The following OSBPL1A variants were observed in gnomAD, a reference collection of about 807,000 sequenced individuals.
The protein encoded by OSBPL1A is oxysterol-binding protein-related protein 1.
Under a neutral mutation model 137.1 loss-of-function variants are expected in OSBPL1A, and 80 were observed. The observed-to-expected ratio is 0.58, with a 90% CI of 0.49 to 0.70. The LOEUF is 0.70. Ranked by LOEUF, OSBPL1A falls within the 30% of genes least tolerant of loss-of-function variation. OSBPL1A has a pLI of 0.00. For synonymous variants in OSBPL1A, 365 were observed against 389.7 expected (o/e 0.94, Z 0.75); for missense variants, 970 against 1,129.4 (o/e 0.86, Z 2.02).
intron 15 of OSBPL1A, among the ~76,000 whole-genome samples, chr18:24,243,597 C>T (rs776574569): frequency 3.3e-5 from 5 of 152,174 alleles, no homozygotes; most frequent in South Asian, 2.1e-4. Context: ...GCAATCTACC[C>T]GTTACCCACC....
chr18:24,186,732 T>C (rs950897403), intron 18 of OSBPL1A, among the ~76,000 whole-genome samples: 6 of 151,780 alleles, frequency 4.0e-5, no homozygotes, highest in Admixed American at 2.0e-4. Context: ...GGTGAAACCC[T>C]GTCTCTACTA....
intron 4 of OSBPL1A, among the ~76,000 whole-genome samples, chr18:24,359,295 C>T (rs2091586742): frequency 1.3e-5 from 2 of 151,908 alleles, no homozygotes; most frequent in African/African-American, 4.8e-5. Context: ...GTTATGTTGC[C>T]CAGGTTGGCC....
chr18:24,371,219 C>T (rs140546377), intron 2 of OSBPL1A, among the ~76,000 whole-genome samples: 60 of 152,288 alleles, frequency 3.9e-4, no homozygotes, highest in African/African-American at 1.3e-3. Context: ...ATTTACACAC[C>T]ATAAACTCAG....
intron 17 of OSBPL1A, among the ~76,000 whole-genome samples, chr18:24,198,986 T>A (rs550871989): frequency 5.9e-5 from 9 of 151,696 alleles, no homozygotes; most frequent in Admixed American, 4.6e-4. Context: ...GCCTCCCGAG[T>A]AGCTGGGACT....
intron 4 of OSBPL1A, among the ~76,000 whole-genome samples, chr18:24,356,206 G>A (rs1010547426): frequency 4.0e-5 from 6 of 151,778 alleles, no homozygotes; most frequent in African/African-American, 1.5e-4. Flanking sequence ...ATGATACCTT[G>A]TCCAGTTTCT....
rs62088014 is a variant in OSBPL1A, at chr18:24,345,311, C to T, written c.283-3653G>A. Among the ~76,000 whole-genome samples, 272 of 152,178 alleles carry T rather than the reference C, an allele frequency of 1.8e-3. 1 individual carries two copies. Among genetic ancestry groups the T allele is most frequent in the Non-Finnish European group, 2.9e-3 (200 of 68,012 alleles). On this transcript the variant is annotated intron_variant, in intron 4 of 27. Coordinates refer to ENST00000319481, the MANE Select transcript of OSBPL1A (RefSeq NM_080597.4). ...AACAGAAACTCTTAAAGTATATAAACCACTGCCGACCTTTGGAAAAAAATT... is the reference window on the plus strand; with the variant it reads ...AACAGAAACTCTTAAAGTATATAAATCACTGCCGACCTTTGGAAAAAAATT...
Position 24,325,188 on chromosome 18 carries a change from A to G in OSBPL1A, c.626-6379T>C, listed in dbSNP as rs930008983. On this transcript the variant is annotated intron_variant, in intron 7 of 27. Transcript: ENST00000319481. Reference sequence around the variant, plus strand: ...GAAAGATTACTTGATAAAGGGTATAAACGTAAGGGATGGACAAGTTGAGAC... The same window carrying G: ...GAAAGATTACTTGATAAAGGGTATAGACGTAAGGGATGGACAAGTTGAGAC... Among the ~76,000 whole-genome samples, 6 of 152,182 alleles carry G rather than the reference A, an allele frequency of 3.9e-5. No homozygotes were observed. In the East Asian group the frequency reaches 1.2e-3, roughly 29 times the overall value.
Position 24,305,640 on chromosome 18 carries a change from A to G in OSBPL1A, c.1093-1922T>C, listed in dbSNP as rs1163336959. On this transcript the variant is annotated intron_variant, in intron 13 of 27. Coordinates refer to ENST00000319481, the MANE Select transcript of OSBPL1A (RefSeq NM_080597.4). ...ACATGGTTTCTCATTTTTGACTTCT[A>G]TGCCATTGATATTATGTCAGGAACT... Among the ~76,000 whole-genome samples, 3 of 152,310 alleles carry G rather than the reference A, an allele frequency of 2.0e-5. No homozygotes were observed. The East Asian group carries it at 5.8e-4, about 29-fold the overall frequency.
chr18:24,341,570 T>G lies in OSBPL1A; in HGVS notation c.371A>C (p.Glu124Ala). Residue 124 changes from glutamate (E) to alanine (A), a missense_variant, in exon 5 of 28, where the codon GAA (glutamate) becomes GCA (alanine). Glu to Ala is a moderately radical substitution (Grantham distance 107). This residue lies in a region of OSBPL1A where 647 missense variants were observed against 672.6 expected (regional missense o/e 0.96). Coordinates refer to ENST00000319481, the MANE Select transcript of OSBPL1A (RefSeq NM_080597.4). The part of the protein sequence containing the change: ...GQTAKEVTHA[E>A]EIRSMLEAVE... ...ACCTTCAAGCATGCTTCTGATTTCT[T>G]CAGCATGAGTAACTTCTTTTGCTGT... is the stretch of plus-strand genomic sequence containing the variant. 1 of 1,612,144 alleles carries G rather than the reference T, an allele frequency of 6.2e-7. No homozygotes were observed. The highest frequency in any genetic ancestry group is 1.1e-5 in the South Asian group (1 of 91,010).
At chr18:24,221,726 A>T (rs1417326469) in intron 17 of OSBPL1A, among the ~76,000 whole-genome samples, 1 of 152,230 alleles carries the variant, frequency 6.6e-6, no homozygotes, top group African/African-American at 2.4e-5. Flanking sequence ...CTGCTATGCT[A>T]GCTCTATTAC....
intron 12 of OSBPL1A, among the ~76,000 whole-genome samples, chr18:24,313,738 CAGAA>C (rs1476522017): frequency 6.6e-6 from 1 of 152,160 alleles, no homozygotes; most frequent in African/African-American, 2.4e-5. Context: ...AAATTATGAA[CAGAA>C]AATACCTGCA....
intron 15 of OSBPL1A, among the ~76,000 whole-genome samples, chr18:24,240,640 C>G (rs995150468): frequency 6.6e-6 from 1 of 152,202 alleles, no homozygotes; most frequent in African/African-American, 2.4e-5. Context: ...GTTTCCTCTC[C>G]TATAAGAGGT....
At chr18:24,334,205 G>C (rs772519431) in intron 6 of OSBPL1A, 40 bp downstream of exon 6, 59 of 1,544,452 alleles carry the variant, frequency 3.8e-5, no homozygotes, top group Admixed American at 1.8e-4. Context: ...TGTAAAGAAA[G>C]ACTGCTTTTT....
At chr18:24,180,101 T>C (rs912075122) in intron 19 of OSBPL1A, among the ~76,000 whole-genome samples, 4 of 152,194 alleles carry the variant, frequency 2.6e-5, no homozygotes, top group African/African-American at 9.6e-5. Context: ...CAAGGACTTT[T>C]AAAAAACCCT....
intron 20 of OSBPL1A, 115 bp downstream of exon 20, chr18:24,179,623 C>T: frequency 1.2e-6 from 1 of 828,764 alleles, no homozygotes; most frequent in Non-Finnish European, 1.9e-6. Flanking sequence ...AAACAAACAT[C>T]AAAATTGTTA....
chr18:24,368,246 ATATT>A (rs1215147919), intron 3 of OSBPL1A, 37 bp downstream of exon 3: 1 of 1,452,784 alleles, frequency 6.9e-7, no homozygotes, highest in African/African-American at 1.4e-5. Context: ...CATAACAATA[ATATT>A]TACTGTAGTC....
intron 15 of OSBPL1A, among the ~76,000 whole-genome samples, chr18:24,258,222 G>T (rs543456947): frequency 6.6e-6 from 1 of 152,260 alleles, no homozygotes; most frequent in African/African-American, 2.4e-5. Context: ...CAACCTACGT[G>T]TCCATCAACA....
rs1056277778 is a variant in OSBPL1A at position 24,199,624 on chromosome 18, G to A, written c.1602-3424C>T. Among the ~76,000 whole-genome samples, 4 of 152,098 alleles carry A rather than the reference G, an allele frequency of 2.6e-5. No individual in the cohort carries two copies. The East Asian group carries it at 5.8e-4, about 22-fold the overall frequency. ...GTGGCAGAAGCTTTGGAATGTATAC[G>A]ACCTATTAGACATTACCTCTTTTGT... On this transcript the variant is annotated intron_variant, in intron 17 of 27. Coordinates refer to ENST00000319481, the MANE Select transcript of OSBPL1A (RefSeq NM_080597.4).
rs535630061 is a variant in OSBPL1A at position 24,194,178 on chromosome 18, A to G, written c.1677+1947T>C. On this transcript the variant is annotated intron_variant, in intron 18 of 27. Coordinates refer to ENST00000319481, the MANE Select transcript of OSBPL1A (RefSeq NM_080597.4). ...CTAAAGTGGCCAAAAAGACTAAACC[A>G]TATCTGAAATGTTCATACAAACTCC... Among the ~76,000 whole-genome samples, 8 of 152,358 alleles carry G rather than the reference A, an allele frequency of 5.3e-5. No homozygotes were observed. In the South Asian group the frequency reaches 1.7e-3, roughly 32 times the overall value.
Sources: gnomAD v4.1 joint callset for allele counts (sites outside exome capture counted in the v4.1 genomes callset) on GRCh38, gnomAD v4.1.1 for gene constraint, gnomAD v4.1.1 regional missense constraint, MANE v1.5 for transcripts, NCBI Gene and HGNC (gene_info 2026-07-23, HGNC 2026-07-21) for gene names.